Variants in DLG2 observed in about 807,000 individuals in gnomAD.
DLG2 encodes discs large MAGUK scaffold protein 2, also known as disks large homolog 2.
DLG2 carries 45 observed loss-of-function variants against 132.5 expected under a neutral mutation model. The observed-to-expected ratio is 0.34, with a 90% confidence interval of 0.27 to 0.44. The LOEUF (loss-of-function observed/expected upper bound fraction) is 0.44, where lower values mean the gene tolerates loss of function less well. Among genes scored for constraint, DLG2 ranks in the 20% least tolerant of loss-of-function variants. The probability of loss-of-function intolerance (pLI) is 1.00; values close to 1 mark genes in which losing one functional copy is unlikely to be tolerated. For missense variants in DLG2, 1,045 were observed against 1,196.9 expected (o/e 0.87, Z 1.87); for synonymous variants, 424 against 419.6 (o/e 1.01, Z -0.13).
chr11:84,530,750 C>T (rs190066909), intron 7 of DLG2, among the ~76,000 whole-genome samples: 4 of 152,200 alleles, frequency 2.6e-5, no homozygotes, highest in Middle Eastern at 3.4e-3. Flanking sequence ...AACTGTCATT[C>T]GACCAAGCAA....
chr11:84,493,243 G>A (rs988350038), intron 7 of DLG2, among the ~76,000 whole-genome samples: 1 of 152,116 alleles, frequency 6.6e-6, no homozygotes, highest in African/African-American at 2.4e-5. Context: ...ACTTTTGGCA[G>A]AGGCTCAGAT....
At chr11:83,771,470 T>C (rs2094389064) in intron 18 of DLG2, among the ~76,000 whole-genome samples, 1 of 152,162 alleles carries the variant, frequency 6.6e-6, no homozygotes, top group African/African-American at 2.4e-5. Flanking sequence ...CATCTCAGAG[T>C]GCACTTACAT....
At chr11:85,462,658 G>C (rs1037690637) in intron 3 of DLG2, among the ~76,000 whole-genome samples, 2 of 152,052 alleles carry the variant, frequency 1.3e-5, no homozygotes, top group Admixed American at 6.5e-5. Flanking sequence ...TTGTGGGGTG[G>C]GGGGAGCGGG....
At chr11:84,920,146 T>C (rs879911710) in intron 6 of DLG2, among the ~76,000 whole-genome samples, 4 of 152,204 alleles carry the variant, frequency 2.6e-5, no homozygotes, top group African/African-American at 4.8e-5. Flanking sequence ...TACAAAGTGT[T>C]AGATTGTGAT....
At chr11:83,742,325 C>T (rs1170251061) in intron 18 of DLG2, among the ~76,000 whole-genome samples, 2 of 151,312 alleles carry the variant, frequency 1.3e-5, no homozygotes, top group African/African-American at 4.9e-5. Flanking sequence ...AATATCAAAA[C>T]ATAATGTTGT....
intron 3 of DLG2, among the ~76,000 whole-genome samples, chr11:85,490,795 T>G (rs961901668): frequency 2.6e-5 from 4 of 152,020 alleles, no homozygotes; most frequent in African/African-American, 9.7e-5. Flanking sequence ...GTAGCAAGAC[T>G]GAATCACTAA....
At chr11:83,912,884 T>C (rs895465965) in intron 15 of DLG2, among the ~76,000 whole-genome samples, 5 of 152,118 alleles carry the variant, frequency 3.3e-5, no homozygotes, top group East Asian at 1.9e-4. Context: ...TATTTTATAG[T>C]ATGCCCGCGG....
intron 3 of DLG2, among the ~76,000 whole-genome samples, chr11:85,481,116 T>C (rs141573675): frequency 6.6e-6 from 1 of 152,308 alleles, no homozygotes; most frequent in East Asian, 1.9e-4. Flanking sequence ...ATATGTAAAA[T>C]CATATAAACT....
At chr11:85,617,334 T>C (rs1038615569) in intron 2 of DLG2, among the ~76,000 whole-genome samples, 1 of 152,208 alleles carries the variant, frequency 6.6e-6, no homozygotes, top group Admixed American at 6.5e-5. Flanking sequence ...ATTTCCCACA[T>C]TGTCTGGTAA....
chr11:84,320,832 T>C (rs1282471168), intron 7 of DLG2, among the ~76,000 whole-genome samples: 2 of 152,136 alleles, frequency 1.3e-5, no homozygotes, highest in Admixed American at 1.3e-4. Flanking sequence ...ATAGTTGGAT[T>C]TGGGTGAGTG....
chr11:84,829,480 G>A (rs541809566), intron 6 of DLG2, among the ~76,000 whole-genome samples: 2 of 151,734 alleles, frequency 1.3e-5, no homozygotes, highest in Admixed American at 6.6e-5. Flanking sequence ...TGACAAAAAT[G>A]ATCATGAATT....
chr11:84,916,255 A>C (rs1295511699), intron 6 of DLG2, among the ~76,000 whole-genome samples: 43 of 143,890 alleles, frequency 3.0e-4, no homozygotes, highest in Non-Finnish European at 4.5e-5. Flanking sequence ...AGGCTGAGGC[A>C]GGAGAATGGC....
chr11:85,088,994 C>T (rs2444253), intron 6 of DLG2, among the ~76,000 whole-genome samples: 1 of 151,964 alleles, frequency 6.6e-6, no homozygotes, highest in Non-Finnish European at 1.5e-5. Flanking sequence ...ACAAGAAAAC[C>T]TAAAAATATC....
At chr11:83,966,111 A>G (rs755372011) in intron 12 of DLG2, among the ~76,000 whole-genome samples, 39 of 151,952 alleles carry the variant, frequency 2.6e-4, no homozygotes, top group Non-Finnish European at 4.6e-4. Flanking sequence ...CTCTGATAAT[A>G]TTTCTTTGAT....
At chr11:84,169,814 A>C (rs2154268259) in intron 8 of DLG2, among the ~76,000 whole-genome samples, 1 of 152,048 alleles carries the variant, frequency 6.6e-6, no homozygotes, top group South Asian at 2.1e-4. Flanking sequence ...CAGAGGTTAC[A>C]GTGAGCCGAG....
At chr11:83,779,467 A>C (rs2094718613) in intron 18 of DLG2, among the ~76,000 whole-genome samples, 1 of 152,148 alleles carries the variant, frequency 6.6e-6, no homozygotes, top group Non-Finnish European at 1.5e-5. Context: ...TGCCCGAGAA[A>C]GTGGTGAGGC....
intron 7 of DLG2, among the ~76,000 whole-genome samples, chr11:84,284,336 T>C (rs988217599): frequency 1.3e-5 from 2 of 152,220 alleles, no homozygotes; most frequent in African/African-American, 4.8e-5. Context: ...AAATGGCAAA[T>C]GCCATATTTT....
intron 3 of DLG2, among the ~76,000 whole-genome samples, chr11:85,374,931 C>A (rs1386856214): frequency 1.3e-5 from 2 of 151,976 alleles, no homozygotes; most frequent in African/African-American, 4.8e-5. Flanking sequence ...TGAAATGTTA[C>A]GATACTTGCA....
At chr11:83,601,811 C>G (rs1448893997) in intron 19 of DLG2, among the ~76,000 whole-genome samples, 1 of 152,030 alleles carries the variant, frequency 6.6e-6, no homozygotes, top group Non-Finnish European at 1.5e-5. Context: ...GCGTGAGGCA[C>G]AGGGCTCAGC....
Sources: gnomAD v4.1 joint callset for allele counts (sites outside exome capture counted in the v4.1 genomes callset) on GRCh38, gnomAD v4.1.1 for gene constraint, MANE v1.5 for transcripts, NCBI Gene and HGNC (gene_info 2026-07-23, HGNC 2026-07-21) for gene names.